Variants in PCDHGA8 observed in about 807,000 individuals in gnomAD.
The protein encoded by PCDHGA8 is protocadherin gamma-A8.
Under a neutral mutation model 59.2 loss-of-function variants are expected in PCDHGA8, and 45 were observed. That is an observed-to-expected ratio of 0.76 (90% confidence interval 0.60 to 0.98). The LOEUF (loss-of-function observed/expected upper bound fraction) is 0.98. Among genes scored for constraint, PCDHGA8 ranks in the 50% least tolerant of loss-of-function variants. The pLI, the probability that PCDHGA8 is intolerant of heterozygous loss-of-function variation, is 0.00. For synonymous variants in PCDHGA8, 531 were observed against 519.0 expected (o/e 1.02, Z -0.32); for missense variants, 1,257 against 1,196.2 (o/e 1.05, Z -0.75).
At chr5:141,405,545 AAGTAGAGTAGCTGGGACTAG>A (rs1053729516) in intron 1 of PCDHGA8, 17 of 631,162 alleles carry the variant, frequency 2.7e-5, no homozygotes, top group African/African-American at 9.2e-5. Flanking sequence ...TCAGCCTCCC[AAGTAGAGTAGCTGGGACTAG>A]AGTAGAGTAG....
chr5:141,412,183 C>A (rs1243084028), intron 1 of PCDHGA8: 1 of 152,188 alleles, frequency 6.6e-6, no homozygotes, highest in African/African-American at 2.4e-5. Context: ...GGTATTAATG[C>A]TCTGATGAAA....
rs1196201183 is a variant in PCDHGA8, at chr5:141,490,944, G to A, written c.2425-3863G>A. ...ATGCCCCAGCTGTGCTGCACCCACG[G>A]CCAGACTGGGAACACTCAGCCCCCC... On this transcript the variant is annotated intron_variant, in intron 1 of 3. Transcript: ENST00000398604. This position sits in a 1 kb window ranked among gnomAD's most constrained non-coding sequence, Gnocchi z 5.4. 6.2e-7 allele frequency: 1 copy of A among 1,613,488 alleles called. No individual in the cohort carries two copies. The highest frequency in any genetic ancestry group is 1.3e-5 in the African/African-American group (1 of 74,906).
chr5:141,460,795 G>GTA (rs2154567069), intron 1 of PCDHGA8, among the ~76,000 whole-genome samples: 1 of 151,608 alleles, frequency 6.6e-6, no homozygotes, highest in East Asian at 1.9e-4. Flanking sequence ...TACACACAAA[G>GTA]TATATATATG....
intron 1 of PCDHGA8, among the ~76,000 whole-genome samples, chr5:141,469,096 G>A (rs1191827174): frequency 6.6e-6 from 1 of 151,944 alleles, no homozygotes; most frequent in Non-Finnish European, 1.5e-5. Flanking sequence ...AGGCAACAAA[G>A]CAAGAACCTG....
In PCDHGA8 at chr5:141,431,739, A is replaced by G; in HGVS notation, c.2424+36502A>G. 3.1e-6 allele frequency: 5 copies of G among 1,614,240 alleles called. No homozygotes were observed. Among genetic ancestry groups the G allele is most frequent in the Non-Finnish European group, 3.4e-6 (4 of 1,180,048 alleles). Reference sequence around the variant, plus strand: ...GTGCAAGCAATGGATAATGCAGGATATTCTGCGCGAGCCAAAGTCCTGATC... The same window carrying G: ...GTGCAAGCAATGGATAATGCAGGATGTTCTGCGCGAGCCAAAGTCCTGATC... On this transcript the variant is annotated intron_variant, in intron 1 of 3. Transcript: ENST00000398604. The surrounding 1 kb of genome is among the most constrained non-coding windows in gnomAD (Gnocchi z 4.8).
intron 1 of PCDHGA8, among the ~76,000 whole-genome samples, chr5:141,474,062 C>G (rs745636246): frequency 6.6e-6 from 1 of 152,104 alleles, no homozygotes; most frequent in Non-Finnish European, 1.5e-5. Flanking sequence ...AGAGCGAGAT[C>G]CTGCCTCAGA....
At chr5:141,461,951 G>C (rs1419637040) in intron 1 of PCDHGA8, among the ~76,000 whole-genome samples, 1 of 152,186 alleles carries the variant, frequency 6.6e-6, no homozygotes, top group African/African-American at 2.4e-5. Context: ...AACCTCCTGA[G>C]TAGCTGGGAT....
chr5:141,407,345 T>C (rs1025383467), intron 1 of PCDHGA8, among the ~76,000 whole-genome samples: 2 of 152,188 alleles, frequency 1.3e-5, no homozygotes, highest in African/African-American at 4.8e-5. Flanking sequence ...TGTATGTTAA[T>C]TTGGGGAAAA....
At chr5:141,469,373 G>A (rs532041259) in intron 1 of PCDHGA8, among the ~76,000 whole-genome samples, 3 of 151,992 alleles carry the variant, frequency 2.0e-5, no homozygotes, top group South Asian at 2.1e-4. Context: ...TAAAGAGATC[G>A]AGACCATCCT....
At chr5:141,501,402 G>A (rs527659990) in intron 2 of PCDHGA8, among the ~76,000 whole-genome samples, 5 of 151,740 alleles carry the variant, frequency 3.3e-5, no homozygotes, top group Non-Finnish European at 7.4e-5. Flanking sequence ...ACAGGCCACT[G>A]CTTGGAAAAT....
At chr5:141,403,121 C>G in intron 1 of PCDHGA8, 1 of 1,614,046 alleles carries the variant, frequency 6.2e-7, no homozygotes, top group South Asian at 1.1e-5. Flanking sequence ...TCTGGAGCCC[C>G]GGGAGCTGGC....
In PCDHGA8 at chr5:141,477,029, A is replaced by C; in HGVS notation, c.2425-17778A>C. 6.2e-7 allele frequency: 1 copy of C among 1,614,238 alleles called. No homozygotes were observed. The highest frequency in any genetic ancestry group is 8.5e-7 in the Non-Finnish European group (1 of 1,180,040). Reference sequence around the variant, plus strand: ...CTTAGACCTTGTAACCGGGATGCTGACAATCAAGGGTCGGCTGGACTTCGA... The same window carrying C: ...CTTAGACCTTGTAACCGGGATGCTGCCAATCAAGGGTCGGCTGGACTTCGA... On this transcript the variant is annotated intron_variant, in intron 1 of 3. Transcript: ENST00000398604. This position sits in a 1 kb window ranked among gnomAD's most constrained non-coding sequence, Gnocchi z 4.9.
Position 141,511,315 on chromosome 5 carries a change from G to A in PCDHGA8, c.*142G>A. ...AAGGCCATGCTCCCCTTGGGAAACA[G>A]AAACAAGTGCCCAGTCAGCACCTAC... On this transcript the variant is annotated 3_prime_UTR_variant, in exon 4 of 4. Coordinates refer to ENST00000398604, the MANE Select transcript of PCDHGA8 (RefSeq NM_032088.2). 6.8e-7 allele frequency: 1 copy of A among 1,481,384 alleles called. No individual in the cohort carries two copies. Among genetic ancestry groups the A allele is most frequent in the Non-Finnish European group, 9.0e-7 (1 of 1,110,974 alleles). 91.8% of individuals were successfully genotyped at this position (1,481,384 alleles called of 1,614,324 possible).
At chr5:141,412,434 A>C (rs2095556498) in intron 1 of PCDHGA8, 1 of 152,240 alleles carries the variant, frequency 6.6e-6, no homozygotes, top group Admixed American at 6.5e-5. Flanking sequence ...CAAAAAGGTT[A>C]ATTAAGGCTC....
Position 141,431,887 on chromosome 5 carries a change from T to G in PCDHGA8, c.2424+36650T>G. ...TTTTAAATGTAAATGACCAAGATTC[T>G]GAGGAAAACGGACAGGTGATCTGTT... On this transcript the variant is annotated intron_variant, in intron 1 of 3. Transcript: ENST00000398604. The surrounding 1 kb of genome is among the most constrained non-coding windows in gnomAD (Gnocchi z 4.8). 6.2e-7 allele frequency: 1 copy of G among 1,614,190 alleles called. No individual in the cohort carries two copies. Among genetic ancestry groups the G allele is most frequent in the Non-Finnish European group, 8.5e-7 (1 of 1,179,996 alleles).
intron 1 of PCDHGA8, among the ~76,000 whole-genome samples, chr5:141,463,572 C>T (rs1462125489): frequency 6.6e-6 from 1 of 151,572 alleles, no homozygotes; most frequent in African/African-American, 2.4e-5. Context: ...CCTCAGCCTC[C>T]CGAGTAGCTG....
chr5:141,492,043 TC>T (rs1323524482), intron 1 of PCDHGA8: 5 of 518,152 alleles, frequency 9.6e-6, no homozygotes, highest in Non-Finnish European at 1.7e-5. Context: ...CAGTCACAGA[TC>T]CACCCCTGCA....
intron 1 of PCDHGA8, chr5:141,426,438 G>A (rs567163831): frequency 4.7e-5 from 14 of 300,110 alleles, no homozygotes; most frequent in Admixed American, 1.7e-4. Context: ...GGAACCTTGC[G>A]GAGGACATGC....
intron 1 of PCDHGA8, chr5:141,421,627 T>C: frequency 6.2e-7 from 1 of 1,613,846 alleles, no homozygotes; most frequent in Non-Finnish European, 8.5e-7. Context: ...CGCCCCCAGC[T>C]TCCAGGAGGA....
Sources: gnomAD v4.1 joint callset for allele counts (sites outside exome capture counted in the v4.1 genomes callset) on GRCh38, gnomAD v4.1.1 for gene constraint, Gnocchi (gnomAD v3.1) non-coding constraint, MANE v1.5 for transcripts, NCBI Gene and HGNC (gene_info 2026-07-23, HGNC 2026-07-21) for gene names.